The following STXBP4 variants were observed in gnomAD, a reference collection of about 807,000 sequenced individuals.
STXBP4 encodes the protein syntaxin-binding protein 4.
Under a neutral mutation model 76.1 loss-of-function variants are expected in STXBP4, and 55 were observed. That is an observed-to-expected ratio of 0.72 (90% CI 0.58 to 0.91). The LOEUF is 0.91. Ranked by LOEUF, STXBP4 falls within the 40% of genes least tolerant of loss-of-function variation. The probability of loss-of-function intolerance (pLI) is 0.00; values close to 1 mark genes in which losing one functional copy is unlikely to be tolerated. For missense variants in STXBP4, 618 were observed against 636.9 expected (o/e 0.97, Z 0.32); for synonymous variants, 201 against 220.2 (o/e 0.91, Z 0.77).
chr17:55,072,750 A>G (rs911571234), intron 12 of STXBP4, 150 bp from the exon 13 acceptor site: 21 of 551,092 alleles, frequency 3.8e-5, no homozygotes, highest in East Asian at 1.4e-4. Flanking sequence ...ATAAAATAAC[A>G]TAACTATTAA....
At chr17:55,002,055 A>G (rs886762844) in intron 7 of STXBP4, among the ~76,000 whole-genome samples, 1 of 152,146 alleles carries the variant, frequency 6.6e-6, no homozygotes, top group Non-Finnish European at 1.5e-5. Context: ...ATTACCTTTT[A>G]CTTAGATTTA....
chr17:55,078,105 A>G lies in STXBP4; in HGVS notation c.1216A>G (p.Ile406Val), dbSNP rs926124574. The G allele has an allele frequency of 6.2e-7, 1 of 1,610,912 alleles. No homozygotes were observed. The highest frequency in any genetic ancestry group is 1.3e-5 in the African/African-American group (1 of 74,730). ...KESVQDLKKR[I>V]MVLDCQLRKS... is the part of the protein sequence containing the mutation. Reference sequence around the variant, plus strand: ...AAGTGTTCAGGATTTAAAAAAGAGAATCATGGTACTCGACTGCCAATTACG... The same window carrying G: ...AAGTGTTCAGGATTTAAAAAAGAGAGTCATGGTACTCGACTGCCAATTACG... Residue 406 changes from isoleucine to valine, a missense_variant, in exon 14 of 18, where the codon ATC (isoleucine) becomes GTC (valine). Ile to Val is a conservative substitution (Grantham distance 29). Transcript: ENST00000376352.
chr17:55,036,222 G>A (rs1038115048), intron 10 of STXBP4, among the ~76,000 whole-genome samples: 1 of 151,664 alleles, frequency 6.6e-6, no homozygotes, highest in Non-Finnish European at 1.5e-5. Context: ...GTCTTATCTT[G>A]TCCATATGAG....
In STXBP4 at chr17:55,047,071, G is replaced by T; in HGVS notation, c.946-18G>T. 1.3e-6 allele frequency: 2 copies of T among 1,507,236 alleles called. No homozygotes were observed. The highest frequency in any genetic ancestry group is 1.8e-6 in the Non-Finnish European group (2 of 1,085,844). The allele number at this position is 1,507,236 out of a possible 1,614,324, so 93.4% of individuals were successfully genotyped here. On this transcript the variant is annotated intron_variant, in intron 11 of 17. Transcript: ENST00000376352. Reference sequence around the variant, plus strand: ...TACTTTCATAACAAGTTGTTAATTTGGTGGTTTTTAAATATAGGAAAAATT... The same window carrying T: ...TACTTTCATAACAAGTTGTTAATTTTGTGGTTTTTAAATATAGGAAAAATT...
intron 17 of STXBP4, among the ~76,000 whole-genome samples, chr17:55,157,744 G>A (rs1042608073): frequency 3.3e-5 from 5 of 152,152 alleles, no homozygotes; most frequent in African/African-American, 9.7e-5. Context: ...TGAACAAAAT[G>A]TATACTATAG....
intron 16 of STXBP4, among the ~76,000 whole-genome samples, chr17:55,111,810 C>T (rs531081753): frequency 1.3e-5 from 2 of 152,278 alleles, no homozygotes; most frequent in East Asian, 1.9e-4. Context: ...TATAGCAACA[C>T]AAGAATAGCC....
At chr17:55,104,884 A>G (rs1163711249) in intron 16 of STXBP4, among the ~76,000 whole-genome samples, 3 of 152,076 alleles carry the variant, frequency 2.0e-5, no homozygotes, top group Non-Finnish European at 4.4e-5. Flanking sequence ...GAATTTATCC[A>G]TTTCTTCTAG....
chr17:55,117,728 G>A (rs957973645), intron 16 of STXBP4, among the ~76,000 whole-genome samples: 9 of 151,890 alleles, frequency 5.9e-5, no homozygotes, highest in Non-Finnish European at 1.2e-4. Context: ...CTGAATGATG[G>A]ACAGAATGTT....
chr17:55,101,545 A>G (rs2145018814), intron 16 of STXBP4, among the ~76,000 whole-genome samples: 1 of 152,314 alleles, frequency 6.6e-6, no homozygotes, highest in South Asian at 2.1e-4. Flanking sequence ...TGCTTGACAC[A>G]TAGTTGATAC....
the STXBP4 span, among the ~76,000 whole-genome samples, chr17:55,188,725 C>T: frequency 6.6e-6 from 1 of 152,186 alleles, no homozygotes; most frequent in African/African-American, 2.4e-5. Context: ...TCCTTTCTAC[C>T]AAAGTGATTC....
At chr17:54,984,683 T>C (rs969375204) in intron 1 of STXBP4, among the ~76,000 whole-genome samples, 5 of 152,278 alleles carry the variant, frequency 3.3e-5, no homozygotes, top group East Asian at 1.9e-4. Flanking sequence ...CTCCTGCACC[T>C]GTTTCCTAGG....
chr17:55,155,355 T>C (rs1308939704), intron 17 of STXBP4, among the ~76,000 whole-genome samples: 1 of 152,108 alleles, frequency 6.6e-6, no homozygotes, highest in African/African-American at 2.4e-5. Flanking sequence ...TAAGTATAAA[T>C]CTTTTATTGT....
At chr17:55,128,502 C>T (rs2079937122) in intron 16 of STXBP4, among the ~76,000 whole-genome samples, 1 of 152,224 alleles carries the variant, frequency 6.6e-6, no homozygotes, top group Non-Finnish European at 1.5e-5. Flanking sequence ...CTGTGCCTAA[C>T]TTTGGCCTCC....
In STXBP4 at chr17:55,168,181, C is replaced by A. The variant is rs1181496299; in HGVS notation, c.*8270C>A. On this transcript the variant is annotated 3_prime_UTR_variant, in exon 18 of 18. Coordinates refer to ENST00000376352, the MANE Select transcript of STXBP4 (RefSeq NM_178509.6). ...AGGAAATAGAATGCATACATACACACACATACACTTAGTATATGTGTGTGT... is the reference window on the plus strand; with the variant it reads ...AGGAAATAGAATGCATACATACACAAACATACACTTAGTATATGTGTGTGT... 1 of 151,862 alleles carries A rather than the reference C, an allele frequency of 6.6e-6. No individual in the cohort carries two copies. The highest frequency in any genetic ancestry group is 1.5e-5 in the Non-Finnish European group (1 of 67,944). The allele number at this position is 151,862 out of a possible 1,614,324, so 9.4% of individuals were successfully genotyped here.
At chr17:55,185,367 T>TCC in the STXBP4 span, among the ~76,000 whole-genome samples, 25 of 149,918 alleles carry the variant, frequency 1.7e-4, no homozygotes, top group Non-Finnish European at 2.8e-4. Flanking sequence ...CTCCTTCTCC[T>TCC]TCTTCTTCTT....
the STXBP4 span, among the ~76,000 whole-genome samples, chr17:55,204,901 T>C: frequency 6.6e-6 from 1 of 152,034 alleles, no homozygotes; most frequent in African/African-American, 2.4e-5. Flanking sequence ...CATATACATC[T>C]ATATTTCTTA....
chr17:55,082,206 C>G (rs1399833344), intron 16 of STXBP4, among the ~76,000 whole-genome samples: 2 of 152,154 alleles, frequency 1.3e-5, no homozygotes, highest in African/African-American at 4.8e-5. Flanking sequence ...TGCACCTAAA[C>G]AGAGAATCAC....
In STXBP4 at chr17:55,136,752, T is replaced by C. The variant is rs376689859; in HGVS notation, c.1490-4558T>C. Among the ~76,000 whole-genome samples the C allele has an allele frequency of 3.9e-5, 6 of 152,152 alleles. No individual in the cohort carries two copies. In the East Asian group the frequency reaches 9.6e-4, roughly 24 times the overall value. On this transcript the variant is annotated intron_variant, in intron 16 of 17. Transcript: ENST00000376352. ...CTGGATCAGGGTCAGAGTGTCCCAT[T>C]AGTTTCTGTTATTCTTTTGCTGAAT...
intron 12 of STXBP4, among the ~76,000 whole-genome samples, chr17:55,052,767 TATG>T (rs2078874432): frequency 6.6e-6 from 1 of 151,408 alleles, no homozygotes; most frequent in African/African-American, 2.4e-5. Flanking sequence ...TGACTCCAAA[TATG>T]ATGCCCAAAA....
Sources: allele counts gnomAD v4.1 joint callset (sites outside exome capture counted in the v4.1 genomes callset), GRCh38; gene constraint gnomAD v4.1.1; transcripts MANE v1.5; gene names NCBI Gene and HGNC (gene_info 2026-07-23, HGNC 2026-07-21).